Variants in ZBBX observed in about 807,000 individuals in gnomAD.
ZBBX encodes zinc finger B-box domain-containing protein 1.
ZBBX carries 101 observed loss-of-function variants against 108.5 expected under a neutral mutation model. The observed-to-expected ratio is 0.93, with a 90% CI of 0.79 to 1.10. The LOEUF (loss-of-function observed/expected upper bound fraction) is 1.10, where lower values mean the gene tolerates loss of function less well. Ranked by LOEUF, ZBBX falls within the 50% of genes least tolerant of loss-of-function variation. The pLI is 0.00. For synonymous variants in ZBBX, 356 were observed against 323.4 expected (o/e 1.10, Z -1.08); for missense variants, 1,009 against 941.4 (o/e 1.07, Z -0.94).
intron 1 of ZBBX, among the ~76,000 whole-genome samples, chr3:167,397,381 A>G: frequency 6.6e-6 from 1 of 152,030 alleles, no homozygotes; most frequent in Middle Eastern, 3.4e-3. Flanking sequence ...AATAAATAAA[A>G]TTTTATTTCT....
At chr3:167,320,219 A>T (rs1736196659) in intron 12 of ZBBX, among the ~76,000 whole-genome samples, 1 of 150,494 alleles carries the variant, frequency 6.6e-6, no homozygotes, top group Non-Finnish European at 1.5e-5. Context: ...CCAGAAAAAA[A>T]AGAGATGTTC....
At chr3:167,182,126 T>G in the ZBBX span, among the ~76,000 whole-genome samples, 1,339 of 152,308 alleles carry the variant, frequency 8.8e-3, 20 homozygotes, top group African/African-American at 0.03. Flanking sequence ...TCGCTGATTT[T>G]TTTTACAGTC....
At chr3:167,322,298 T>C in intron 11 of ZBBX, 61 bp from the exon 12 acceptor site, 1 of 1,346,696 alleles carries the variant, frequency 7.4e-7, no homozygotes, top group Non-Finnish European at 9.7e-7. Context: ...TACTATATCT[T>C]CTCTTAAGAT....
chr3:167,256,875 G>T (rs1169496904), intron 20 of ZBBX, among the ~76,000 whole-genome samples: 1 of 152,006 alleles, frequency 6.6e-6, no homozygotes, highest in East Asian at 1.9e-4. Flanking sequence ...TTCATCTGTT[G>T]ATGGACCCTT....
intron 17 of ZBBX, among the ~76,000 whole-genome samples, chr3:167,299,297 A>G (rs1217421553): frequency 6.6e-6 from 1 of 152,010 alleles, no homozygotes; most frequent in Middle Eastern, 3.2e-3. Context: ...TTATAAATTT[A>G]TAAATTATAT....
chr3:167,212,104 C>G, the ZBBX span, among the ~76,000 whole-genome samples: 1 of 152,260 alleles, frequency 6.6e-6, no homozygotes, highest in African/African-American at 2.4e-5. Context: ...CTGTCCCTCC[C>G]TGGGACAAAG....
chr3:167,362,362 A>G (rs1273844101), intron 6 of ZBBX, among the ~76,000 whole-genome samples: 2 of 152,012 alleles, frequency 1.3e-5, no homozygotes, highest in African/African-American at 4.8e-5. Context: ...CAGACATATT[A>G]TCTATGCCAC....
At chr3:167,332,035 C>T (rs1291947961) in intron 10 of ZBBX, among the ~76,000 whole-genome samples, 1 of 152,130 alleles carries the variant, frequency 6.6e-6, no homozygotes, top group Non-Finnish European at 1.5e-5. Flanking sequence ...AAATAAGACT[C>T]TTGAGCCCTA....
chr3:167,350,731 C>T (rs535127246), intron 8 of ZBBX, among the ~76,000 whole-genome samples: 26 of 151,640 alleles, frequency 1.7e-4, no homozygotes, highest in African/African-American at 5.1e-4. Context: ...AAAACTAATT[C>T]GAAAACACTA....
In ZBBX at chr3:167,359,946, G is replaced by T; in HGVS notation, c.356C>A (p.Ala119Glu). The T allele has an allele frequency of 1.3e-6, 2 of 1,591,068 alleles. No individual in the cohort carries two copies. The highest frequency in any genetic ancestry group is 1.7e-6 in the Non-Finnish European group (2 of 1,167,288). The change falls in exon 8 of 22, where the codon GCA (alanine) becomes GAA (glutamate). Residue 119 changes from alanine (A) to glutamate (E), a missense_variant. By Grantham distance (107) the Ala-to-Glu change is moderately radical. Transcript: ENST00000675490. ...PVKPTVNYKMANSSECEKPKI... is the reference protein window; with the variant it reads ...PVKPTVNYKMENSSECEKPKI... ...GGGTTTTTCACATTCTGAAGAATTT[G>T]CCATTTTATAATTAACTGTTGGTTT... is the stretch of plus-strand genomic sequence containing the variant.
At position 167,333,918 on chromosome 3, in the gene ZBBX, T is replaced by A. The variant is rs1042905064; in HGVS notation, c.596A>T (p.Asp199Val). ...AGAATTATTCTCCTCTTTGGGTTCA[T>A]CTGGATTAACATCCTTTATAAACTG... ...AHQFIKDVNP[D>V]EPKEENNSTK... Residue 199 changes from aspartate (D) to valine (V), a missense_variant, in exon 10 of 22, where the codon GAT (aspartate) becomes GTT (valine). Physicochemically the swap from Asp to Val is radical, Grantham distance 152. Coordinates refer to ENST00000675490, the MANE Select transcript of ZBBX (RefSeq NM_001199201.2). 1.9e-6 allele frequency: 3 copies of A among 1,612,462 alleles called. No individual in the cohort carries two copies. Among genetic ancestry groups the A allele is most frequent in the Admixed American group, 3.3e-5 (2 of 59,876 alleles).
chr3:167,190,984 C>T, the ZBBX span, among the ~76,000 whole-genome samples: 1 of 152,182 alleles, frequency 6.6e-6, no homozygotes, highest in Non-Finnish European at 1.5e-5. Flanking sequence ...CCAGCATTGT[C>T]CTGGAGGCAG....
chr3:167,331,247 C>T (rs1738582620), intron 10 of ZBBX, among the ~76,000 whole-genome samples: 1 of 152,026 alleles, frequency 6.6e-6, no homozygotes, highest in East Asian at 1.9e-4. Context: ...AAATAACTGC[C>T]TTTGTTGGCT....
chr3:167,218,426 C>T, the ZBBX span, among the ~76,000 whole-genome samples: 1 of 151,896 alleles, frequency 6.6e-6, no homozygotes, highest in Non-Finnish European at 1.5e-5. Flanking sequence ...CCTTTCAAGA[C>T]ATAGTACAAT....
intron 5 of ZBBX, 149 bp downstream of exon 5, chr3:167,368,312 A>G: frequency 1.7e-6 from 1 of 579,624 alleles, no homozygotes; most frequent in Non-Finnish European, 2.9e-6. Flanking sequence ...AAAACAAAAA[A>G]TAGAAGGCCT....
chr3:167,248,332 C>T (rs1274263389), intron 20 of ZBBX, among the ~76,000 whole-genome samples: 1 of 152,236 alleles, frequency 6.6e-6, no homozygotes, highest in Non-Finnish European at 1.5e-5. Flanking sequence ...CCAAGGAATT[C>T]AGCCTAGTCT....
At chr3:167,267,868 C>T (rs1725836796) in intron 20 of ZBBX, among the ~76,000 whole-genome samples, 1 of 151,994 alleles carries the variant, frequency 6.6e-6, no homozygotes, top group African/African-American at 2.4e-5. Context: ...ACCACCTTCC[C>T]CCACTCATTG....
At chr3:167,341,957 A>G (rs78418460) in intron 9 of ZBBX, among the ~76,000 whole-genome samples, 8,008 of 151,884 alleles carry the variant, frequency 0.053, 579 homozygotes, top group African/African-American at 0.16. Flanking sequence ...CATAACGTAT[A>G]TTACAGCAAG....
intron 20 of ZBBX, among the ~76,000 whole-genome samples, chr3:167,274,247 G>C (rs1727070935): frequency 6.6e-6 from 1 of 152,178 alleles, no homozygotes; most frequent in Non-Finnish European, 1.5e-5. Flanking sequence ...AAGATGATTT[G>C]GTAAATGGAA....
Sources: allele counts gnomAD v4.1 joint callset (sites outside exome capture counted in the v4.1 genomes callset), GRCh38; gene constraint gnomAD v4.1.1; transcripts MANE v1.5; gene names NCBI Gene and HGNC (gene_info 2026-07-23, HGNC 2026-07-21).